Variants in SDHC observed in about 807,000 individuals in gnomAD.
SDHC encodes the protein succinate dehydrogenase cytochrome b560 subunit, mitochondrial.
A neutral mutation model predicts 22.6 loss-of-function variants in SDHC; 11 were observed. The ratio of observed to expected loss-of-function variants is 0.49; its 90% CI spans 0.31 to 0.81. SDHC has a LOEUF of 0.81. Ranked by LOEUF, SDHC falls within the 30% of genes least tolerant of loss-of-function variation. The pLI, the probability that SDHC is intolerant of heterozygous loss-of-function variation, is 0.05. For missense variants in SDHC, 160 were observed against 212.0 expected (o/e 0.75, Z 1.52); for synonymous variants, 80 against 77.8 (o/e 1.03, Z -0.15).
chr1:161,362,160 T>C (rs1672538686), intron 5 of SDHC, among the ~76,000 whole-genome samples, 169 bp from the exon 6 acceptor site: 1 of 152,190 alleles, frequency 6.6e-6, no homozygotes, highest in Admixed American at 6.5e-5. Context: ...GGTTCCATAC[T>C]GTGGGTTTTG....
intron 4 of SDHC, among the ~76,000 whole-genome samples, chr1:161,354,235 C>T (rs1672189099): frequency 6.6e-6 from 1 of 152,156 alleles, no homozygotes. Flanking sequence ...TGGATACTGC[C>T]ACCCTCATTT....
intron 4 of SDHC, among the ~76,000 whole-genome samples, chr1:161,350,324 T>G (rs1167107312): frequency 6.6e-6 from 1 of 152,118 alleles, no homozygotes; most frequent in African/African-American, 2.4e-5. Flanking sequence ...GTGCTGGGAT[T>G]ACAGGCGTGA....
Position 161,328,644 on chromosome 1 carries a change from G to T in SDHC, c.179+147G>T. On this transcript the variant is annotated intron_variant, in intron 3 of 5. Coordinates refer to ENST00000367975, the MANE Select transcript of SDHC (RefSeq NM_003001.5). ...AGGTGAACCCTTCAGGGTAGAGGGA[G>T]ATGACATAAGGATTATCTTACACCT... The T allele has an allele frequency of 5.9e-6, 4 of 678,422 alleles. No homozygotes were observed. The South Asian group carries it at 6.2e-5, about 10-fold the overall frequency. 42.0% of individuals were successfully genotyped at this position (678,422 alleles called of 1,614,324 possible). A position where few individuals can be genotyped will look rare whatever the true frequency, so the allele number is the denominator to read the frequency against.
intron 4 of SDHC, among the ~76,000 whole-genome samples, chr1:161,352,623 A>G (rs948292814): frequency 2.0e-5 from 3 of 152,214 alleles, no homozygotes; most frequent in Admixed American, 2.0e-4. Context: ...AACTATTGCT[A>G]TAGCCATTAT....
rs75586349 is a variant in SDHC at position 161,355,190 on chromosome 1, T to G, written c.242-1487T>G. On this transcript the variant is annotated intron_variant, in intron 4 of 5. Coordinates refer to ENST00000367975, the MANE Select transcript of SDHC (RefSeq NM_003001.5). ...AAGTATATACACATAGCAGTTACAT[T>G]ATATCATTATGGTTTTGATTTGCAT... Among the ~76,000 whole-genome samples, 15 of 152,346 alleles carry G rather than the reference T, an allele frequency of 9.8e-5. 1 individual carries two copies. In the East Asian group the frequency reaches 2.9e-3, roughly 29 times the overall value.
intron 1 of SDHC, among the ~76,000 whole-genome samples, chr1:161,321,120 C>T (rs1338239540): frequency 1.3e-5 from 2 of 152,134 alleles, no homozygotes; most frequent in Admixed American, 6.5e-5. Context: ...CCATCGCGCC[C>T]GGCCCAGTCT....
In SDHC at chr1:161,329,507, T is replaced by C. The variant is rs191438657; in HGVS notation, c.179+1010T>C. Among the ~76,000 whole-genome samples, 233 of 152,138 alleles carry C rather than the reference T, an allele frequency of 1.5e-3. 1 individual carries two copies. Among genetic ancestry groups the C allele is most frequent in the African/African-American group, 5.5e-3 (227 of 41,524 alleles). On this transcript the variant is annotated intron_variant, in intron 3 of 5. Coordinates refer to ENST00000367975, the MANE Select transcript of SDHC (RefSeq NM_003001.5). ...CCTCCATGCCCGGCTAATTTTTGTC[T>C]TTTAGTAAGAGATGAGGTTTTGCCA...
intron 1 of SDHC, among the ~76,000 whole-genome samples, chr1:161,315,506 T>C (rs946023249): frequency 2.6e-5 from 4 of 152,242 alleles, no homozygotes; most frequent in African/African-American, 9.6e-5. Context: ...TTGACCATAA[T>C]TGAATGCTTT....
At chr1:161,339,690 T>TTTTTG in intron 3 of SDHC, 1 of 322,768 alleles carries the variant, frequency 3.1e-6, no homozygotes, top group African/African-American at 3.4e-5. Flanking sequence ...TTTTTTTTTT[T>TTTTTG]GGAGACAGAG....
intron 4 of SDHC, among the ~76,000 whole-genome samples, chr1:161,352,475 C>G: frequency 6.6e-6 from 1 of 151,994 alleles, no homozygotes; most frequent in Non-Finnish European, 1.5e-5. Flanking sequence ...AAATATTATA[C>G]AAATGTATAC....
At chr1:161,360,743 G>A (rs1449423863) in intron 5 of SDHC, among the ~76,000 whole-genome samples, 1 of 151,872 alleles carries the variant, frequency 6.6e-6, no homozygotes, top group Non-Finnish European at 1.5e-5. Context: ...AAAGAAAAGT[G>A]GGTTTTAACT....
intron 1 of SDHC, among the ~76,000 whole-genome samples, chr1:161,316,746 A>G (rs1376842960): frequency 1.3e-5 from 2 of 151,964 alleles, no homozygotes; most frequent in African/African-American, 2.4e-5. Flanking sequence ...TTTTTTCTTG[A>G]TAGAAGTTCC....
chr1:161,320,474 C>T (rs1028959606), intron 1 of SDHC, among the ~76,000 whole-genome samples: 2 of 152,140 alleles, frequency 1.3e-5, no homozygotes, highest in Admixed American at 1.3e-4. Flanking sequence ...AAATTATAGT[C>T]ACATCTTGTT....
intron 2 of SDHC, among the ~76,000 whole-genome samples, chr1:161,325,049 AAAT>A (rs1203080192): frequency 1.3e-5 from 2 of 150,486 alleles, no homozygotes; most frequent in African/African-American, 4.9e-5. Context: ...AAAAATTAAA[AAAT>A]AAAAAATTAG....
rs1029595008 is a variant in SDHC, at chr1:161,326,156, C to T, written c.78-2240C>T. On this transcript the variant is annotated intron_variant, in intron 2 of 5. Coordinates refer to ENST00000367975, the MANE Select transcript of SDHC (RefSeq NM_003001.5). ...GGCGGAGGTTGCAGTGAGCCGAGAT[C>T]GCACCACTGCACTCCAGTTTGGCCA... is the stretch of plus-strand genomic sequence containing the variant. Among the ~76,000 whole-genome samples, 8 of 151,568 alleles carry T rather than the reference C, an allele frequency of 5.3e-5. No homozygotes were observed. The East Asian group carries it at 5.8e-4, about 11-fold the overall frequency.
At chr1:161,321,588 C>T (rs1270913316) in intron 1 of SDHC, among the ~76,000 whole-genome samples, 1 of 152,222 alleles carries the variant, frequency 6.6e-6, no homozygotes, top group Non-Finnish European at 1.5e-5. Flanking sequence ...TTTGTTCCCA[C>T]TTCTTTCTGG....
At chr1:161,356,536 C>T (rs1010292975) in intron 4 of SDHC, 141 bp from the exon 5 acceptor site, 2 of 903,718 alleles carry the variant, frequency 2.2e-6, no homozygotes, top group Non-Finnish European at 3.6e-6. Flanking sequence ...GAGACTCTGT[C>T]TCAAGAAAAA....
chr1:161,322,142 G>C (rs775184383), intron 1 of SDHC, among the ~76,000 whole-genome samples: 1 of 152,108 alleles, frequency 6.6e-6, no homozygotes, highest in East Asian at 1.9e-4. Context: ...AAATATTCCA[G>C]TGAGCATTTC....
chr1:161,330,764 C>A (rs184508390), intron 3 of SDHC, among the ~76,000 whole-genome samples: 334 of 152,162 alleles, frequency 2.2e-3, no homozygotes, highest in Middle Eastern at 3.4e-3. Context: ...CTTTGGGAGA[C>A]CAAAGCAGGT....
Sources: gnomAD v4.1 joint callset for allele counts (sites outside exome capture counted in the v4.1 genomes callset) on GRCh38, gnomAD v4.1.1 for gene constraint, MANE v1.5 for transcripts, NCBI Gene and HGNC (gene_info 2026-07-23, HGNC 2026-07-21) for gene names.